AKIRIN2: variants seen among roughly 807,000 people sequenced by gnomAD.
AKIRIN2 encodes akirin-2.
A neutral mutation model predicts 29.3 loss-of-function variants in AKIRIN2; 6 were observed. That is an observed-to-expected ratio of 0.20 (90% CI 0.11 to 0.40). AKIRIN2 has a LOEUF of 0.40. Ranked by LOEUF, AKIRIN2 falls within the 10% of genes least tolerant of loss-of-function variation. The probability of loss-of-function intolerance (pLI) is 1.00; values close to 1 mark genes in which losing one functional copy is unlikely to be tolerated. For missense variants in AKIRIN2, 210 were observed against 276.1 expected (o/e 0.76, Z 1.70); for synonymous variants, 128 against 117.5 (o/e 1.09, Z -0.58).
At chr6:87,690,509 T>C (rs575671068) in intron 1 of AKIRIN2, among the ~76,000 whole-genome samples, 5 of 152,230 alleles carry the variant, frequency 3.3e-5, no homozygotes, top group Non-Finnish European at 5.9e-5. Flanking sequence ...TTTAACTTGA[T>C]TGGACCTACT....
At chr6:87,697,581 G>T (rs1771391886) in intron 1 of AKIRIN2, among the ~76,000 whole-genome samples, 1 of 152,178 alleles carries the variant, frequency 6.6e-6, no homozygotes, top group South Asian at 2.1e-4. Flanking sequence ...CAATGTAAAT[G>T]ACATCTGAAG....
chr6:87,697,312 A>AG (rs1771386609), intron 1 of AKIRIN2, among the ~76,000 whole-genome samples: 1 of 151,958 alleles, frequency 6.6e-6, no homozygotes, highest in Non-Finnish European at 1.5e-5. Context: ...CTCAAGAAAA[A>AG]AAAAAAAAAA....
At chr6:87,692,684 C>T (rs185035452) in intron 1 of AKIRIN2, among the ~76,000 whole-genome samples, 1 of 152,122 alleles carries the variant, frequency 6.6e-6, no homozygotes, top group Non-Finnish European at 1.5e-5. Flanking sequence ...TGGCGGCGCA[C>T]GCCTGTAATC....
At chr6:87,688,154 CAG>C (rs1771220063) in intron 1 of AKIRIN2, among the ~76,000 whole-genome samples, 1 of 151,982 alleles carries the variant, frequency 6.6e-6, no homozygotes, top group Admixed American at 6.6e-5. Flanking sequence ...TGTGGGGGGA[CAG>C]AGTCTCGCTC....
chr6:87,679,370 A>G (rs1771081852), intron 2 of AKIRIN2, among the ~76,000 whole-genome samples: 1 of 151,732 alleles, frequency 6.6e-6, no homozygotes, highest in African/African-American at 2.4e-5. Context: ...ATAAAAATAC[A>G]AAGATTGGCT....
chr6:87,696,127 G>A (rs183543180), intron 1 of AKIRIN2, among the ~76,000 whole-genome samples: 2 of 152,248 alleles, frequency 1.3e-5, no homozygotes, highest in East Asian at 3.9e-4. Flanking sequence ...GCAGTGAGCC[G>A]AGATTGTGCT....
rs116533623 is a variant in AKIRIN2 at position 87,699,964 on chromosome 6, A to G, written c.235+1486T>C. ...AGAATCCATTTCAATTTCCAATGAT[A>G]CCATTTCACTAAAAGACAAATTCCA... On this transcript the variant is annotated intron_variant, in intron 1 of 4. Transcript: ENST00000257787. Among the ~76,000 whole-genome samples the G allele has an allele frequency of 5.7e-3, 862 of 152,234 alleles. 9 individuals are homozygous for G. The highest frequency in any genetic ancestry group is 0.019 in the African/African-American group (798 of 41,550).
At chr6:87,695,152 G>T (rs1048418692) in intron 1 of AKIRIN2, among the ~76,000 whole-genome samples, 2 of 151,944 alleles carry the variant, frequency 1.3e-5, no homozygotes, top group Non-Finnish European at 2.9e-5. Flanking sequence ...TTATACATGG[G>T]GCTACTTAAA....
chr6:87,699,588 A>T (rs532580064), intron 1 of AKIRIN2, among the ~76,000 whole-genome samples: 211 of 151,636 alleles, frequency 1.4e-3, no homozygotes, highest in African/African-American at 4.8e-3. Context: ...GTGAATGTGA[A>T]TCTCAATCAG....
At position 87,701,737 on chromosome 6, in the gene AKIRIN2, AAAG is replaced by A. The variant is rs1163913813; in HGVS notation, c.-56_-54del. On this transcript the variant is annotated 5_prime_UTR_variant, in exon 1 of 5. Transcript: ENST00000257787. ...CGGGTGGGGTCGGGGACGGGTGACG[AAAG>A]AAGAGGGTGAGGGAAGGGGTGAAGA... The A allele has an allele frequency of 1.1e-5, 14 of 1,292,576 alleles. No individual in the cohort carries two copies. The Admixed American group carries it at 3.5e-4, about 33-fold the overall frequency. 80.1% of individuals were successfully genotyped at this position (1,292,576 alleles called of 1,614,324 possible). A position where few individuals can be genotyped will look rare whatever the true frequency, so the allele number is the denominator to read the frequency against.
chr6:87,679,353 G>A, intron 2 of AKIRIN2, among the ~76,000 whole-genome samples: 1 of 143,372 alleles, frequency 7.0e-6, no homozygotes, highest in African/African-American at 3.0e-5. Context: ...GGCAAACCAT[G>A]TCTCTAATAA....
chr6:87,696,687 T>C (rs1229572829), intron 1 of AKIRIN2, among the ~76,000 whole-genome samples: 51 of 102,126 alleles, frequency 5.0e-4, no homozygotes, highest in African/African-American at 1.9e-3. Flanking sequence ...GGGGACAGAG[T>C]GAGACTCCAT....
At chr6:87,698,156 C>T (rs1442019603) in intron 1 of AKIRIN2, among the ~76,000 whole-genome samples, 1 of 152,090 alleles carries the variant, frequency 6.6e-6, no homozygotes, top group Non-Finnish European at 1.5e-5. Context: ...ATTTCACCAA[C>T]GATATTCAAT....
chr6:87,675,055 CAA>C lies in AKIRIN2; in HGVS notation c.*540_*541del, dbSNP rs201210849. 108 of 132,322 alleles carry C rather than the reference CAA, an allele frequency of 8.2e-4. No homozygotes were observed. The highest frequency in any genetic ancestry group is 1.0e-3 in the Non-Finnish European group (60 of 60,160). 8.2% of individuals were successfully genotyped at this position (132,322 alleles called of 1,614,324 possible). A position where few individuals can be genotyped will look rare whatever the true frequency, so the allele number is the denominator to read the frequency against. On this transcript the variant is annotated 3_prime_UTR_variant, in exon 5 of 5. Coordinates refer to ENST00000257787, the MANE Select transcript of AKIRIN2 (RefSeq NM_018064.4). Reference sequence around the variant, plus strand: ...AAGACTGATAGAATAAATAAAACTACAAAAAAAAAAAAAATCATACAAACCCA... The same window carrying C: ...AAGACTGATAGAATAAATAAAACTACAAAAAAAAAAAATCATACAAACCCA...
At chr6:87,687,956 C>T (rs1771214697) in intron 1 of AKIRIN2, among the ~76,000 whole-genome samples, 1 of 152,136 alleles carries the variant, frequency 6.6e-6, no homozygotes, top group Non-Finnish European at 1.5e-5. Context: ...AGTGAAAACT[C>T]TATCTCCACC....
At chr6:87,699,065 C>G (rs1334464104) in intron 1 of AKIRIN2, among the ~76,000 whole-genome samples, 1 of 152,184 alleles carries the variant, frequency 6.6e-6, no homozygotes, top group Non-Finnish European at 1.5e-5. Context: ...TTGCCAATCT[C>G]AATTTGGTAA....
chr6:87,698,440 T>C (rs1212632928), intron 1 of AKIRIN2, among the ~76,000 whole-genome samples: 1 of 152,142 alleles, frequency 6.6e-6, no homozygotes, highest in Non-Finnish European at 1.5e-5. Context: ...ACACTGAAAT[T>C]TGAATTTCAC....
intron 3 of AKIRIN2, among the ~76,000 whole-genome samples, chr6:87,676,234 G>A (rs1342183906): frequency 6.6e-6 from 1 of 151,880 alleles, no homozygotes; most frequent in Non-Finnish European, 1.5e-5. Context: ...GGAGGCCGAG[G>A]CGGGCGGATC....
intron 1 of AKIRIN2, among the ~76,000 whole-genome samples, chr6:87,700,173 T>A (rs1395822581): frequency 6.6e-6 from 1 of 151,964 alleles, no homozygotes; most frequent in African/African-American, 2.4e-5. Flanking sequence ...TAAAACAGTA[T>A]GTCCTTAAAT....
Sources: allele counts gnomAD v4.1 joint callset (sites outside exome capture counted in the v4.1 genomes callset), GRCh38; gene constraint gnomAD v4.1.1; transcripts MANE v1.5; gene names NCBI Gene and HGNC (gene_info 2026-07-23, HGNC 2026-07-21).